GPHN: variants seen among roughly 807,000 people sequenced by gnomAD.
The protein encoded by GPHN is gephyrin.
Under a neutral mutation model 95.5 loss-of-function variants are expected in GPHN, and 17 were observed. The ratio of observed to expected loss-of-function variants is 0.18; its 90% CI spans 0.12 to 0.27. The LOEUF (loss-of-function observed/expected upper bound fraction) is 0.27. Among genes scored for constraint, GPHN ranks in the 10% least tolerant of loss-of-function variants. The pLI, the probability that GPHN is intolerant of heterozygous loss-of-function variation, is 1.00. For synonymous variants in GPHN, 320 were observed against 322.5 expected (o/e 0.99, Z 0.08); for missense variants, 660 against 978.1 (o/e 0.67, Z 4.34).
chr14:67,620,116 G>C, the GPHN span: 3 of 1,518,812 alleles, frequency 2.0e-6, no homozygotes, highest in Non-Finnish European at 2.7e-6. Flanking sequence ...GAACCGCCGG[G>C]CAGGATCCTC....
intron 3 of GPHN, among the ~76,000 whole-genome samples, chr14:66,805,630 A>G (rs1396378848): frequency 1.3e-5 from 2 of 152,194 alleles, no homozygotes; most frequent in East Asian, 3.9e-4. Flanking sequence ...GGCCAAAAGA[A>G]AGGGACTACA....
chr14:67,716,025 C>T, the GPHN span, among the ~76,000 whole-genome samples: 46 of 152,126 alleles, frequency 3.0e-4, 1 homozygote, highest in African/African-American at 1.1e-3. Flanking sequence ...GAAACCCCGT[C>T]TCTACTAAAA....
the GPHN span, chr14:67,279,308 G>A: frequency 6.2e-7 from 1 of 1,613,924 alleles, no homozygotes; most frequent in East Asian, 2.2e-5. Flanking sequence ...TGGGCACCAG[G>A]ATGATGCCAA....
At chr14:66,669,739 A>G (rs1182567299) in intron 1 of GPHN, among the ~76,000 whole-genome samples, 1 of 151,634 alleles carries the variant, frequency 6.6e-6, no homozygotes, top group Non-Finnish European at 1.5e-5. Context: ...TATTTCAGTT[A>G]TTGTGTTTTT....
chr14:67,436,406 G>A, the GPHN span, among the ~76,000 whole-genome samples: 1 of 152,160 alleles, frequency 6.6e-6, no homozygotes, highest in African/African-American at 2.4e-5. Flanking sequence ...TTTCAAACTA[G>A]CACATCTGTT....
At chr14:67,625,824 C>G in the GPHN span, among the ~76,000 whole-genome samples, 1 of 150,454 alleles carries the variant, frequency 6.6e-6, no homozygotes, top group Non-Finnish European at 1.5e-5. Context: ...TTCTAGTGTT[C>G]GGCAAACATA....
At chr14:66,530,077 A>G (rs2058854745) in intron 1 of GPHN, among the ~76,000 whole-genome samples, 1 of 152,172 alleles carries the variant, frequency 6.6e-6, no homozygotes, top group Non-Finnish European at 1.5e-5. Context: ...ACTCTGTCCC[A>G]GGGCGATGGA....
rs796319674 is a variant in GPHN at position 66,863,724 on chromosome 14, C to A, written c.295-16215C>A. Among the ~76,000 whole-genome samples, 26 of 152,226 alleles carry A rather than the reference C, an allele frequency of 1.7e-4. 1 individual carries two copies. Among genetic ancestry groups the A allele is most frequent in the African/African-American group, 6.3e-4 (26 of 41,554 alleles). On this transcript the variant is annotated intron_variant, in intron 4 of 22. Coordinates refer to ENST00000478722, the MANE Select transcript of GPHN (RefSeq NM_020806.5). ...TCAAGAACATGCACTCAGGAAAAGA[C>A]AGTCTCTTCAACAAATGGTGCTGGG...
chr14:67,009,198 C>T (rs1468664177), intron 9 of GPHN, among the ~76,000 whole-genome samples: 1 of 151,828 alleles, frequency 6.6e-6, no homozygotes, highest in Non-Finnish European at 1.5e-5. Context: ...AGTAATAACC[C>T]ATTTCAGCCA....
intron 4 of GPHN, among the ~76,000 whole-genome samples, chr14:66,870,152 A>G (rs1334363111): frequency 2.0e-5 from 3 of 152,206 alleles, no homozygotes; most frequent in Non-Finnish European, 4.4e-5. Context: ...TTTATGTAAA[A>G]TGTTTGATAC....
chr14:67,320,670 CTGCT>C, the GPHN span, among the ~76,000 whole-genome samples: 4 of 151,996 alleles, frequency 2.6e-5, no homozygotes, highest in South Asian at 8.3e-4. Flanking sequence ...TCAGTTCCTG[CTGCT>C]TTAAAGTGAT....
chr14:67,255,603 T>G, the GPHN span, among the ~76,000 whole-genome samples: 2 of 152,256 alleles, frequency 1.3e-5, no homozygotes, highest in Admixed American at 6.5e-5. Flanking sequence ...ATGAAATTGC[T>G]TAGGGCTTGA....
the GPHN span, among the ~76,000 whole-genome samples, chr14:67,430,165 A>G: frequency 1.3e-5 from 2 of 152,210 alleles, no homozygotes; most frequent in African/African-American, 2.4e-5. Flanking sequence ...GACAGGCCAC[A>G]ATCACACATT....
At chr14:67,378,461 G>C in the GPHN span, among the ~76,000 whole-genome samples, 1 of 152,072 alleles carries the variant, frequency 6.6e-6, no homozygotes, top group East Asian at 1.9e-4. Flanking sequence ...AGAAACTGAA[G>C]CTGAGATTAA....
chr14:66,853,448 A>T (rs1392941001), intron 4 of GPHN, among the ~76,000 whole-genome samples: 1 of 152,340 alleles, frequency 6.6e-6, no homozygotes, highest in African/African-American at 2.4e-5. Flanking sequence ...TGGGTAACTT[A>T]TAAAGGAAAG....
At chr14:66,893,436 C>T (rs2064639780) in intron 5 of GPHN, among the ~76,000 whole-genome samples, 1 of 152,140 alleles carries the variant, frequency 6.6e-6, no homozygotes, top group African/African-American at 2.4e-5. Flanking sequence ...GGAAGCATTC[C>T]CTTTGAAAAC....
chr14:66,764,026 G>A (rs1031259113), intron 2 of GPHN, among the ~76,000 whole-genome samples: 8 of 152,100 alleles, frequency 5.3e-5, no homozygotes, highest in African/African-American at 1.9e-4. Context: ...AACAAGCTCA[G>A]GGTTCCCACT....
intron 16 of GPHN, among the ~76,000 whole-genome samples, chr14:67,113,558 C>T (rs2078497752): frequency 6.6e-6 from 1 of 152,146 alleles, no homozygotes; most frequent in Non-Finnish European, 1.5e-5. Flanking sequence ...TGATGAGCTA[C>T]TTCTGTGTGG....
intron 4 of GPHN, among the ~76,000 whole-genome samples, chr14:66,841,035 G>A (rs796886082): frequency 5.7e-4 from 47 of 83,066 alleles, no homozygotes; most frequent in East Asian, 2.1e-3. Context: ...ATAGATATAG[G>A]TATAGATATA....
Sources: gnomAD v4.1 joint callset for allele counts (sites outside exome capture counted in the v4.1 genomes callset) on GRCh38, gnomAD v4.1.1 for gene constraint, MANE v1.5 for transcripts, NCBI Gene and HGNC (gene_info 2026-07-23, HGNC 2026-07-21) for gene names.